GATA4: variants seen among roughly 807,000 people sequenced by gnomAD.
The protein encoded by GATA4 is transcription factor GATA-4.
GATA4 carries 7 observed loss-of-function variants against 37.9 expected under a neutral mutation model. The observed-to-expected ratio is 0.18, with a 90% CI of 0.11 to 0.35. GATA4 has a LOEUF of 0.35. Among genes scored for constraint, GATA4 ranks in the 10% least tolerant of loss-of-function variants. GATA4 has a pLI of 1.00. For synonymous variants in GATA4, 372 were observed against 292.6 expected (o/e 1.27, Z -2.77); for missense variants, 647 against 653.0 (o/e 0.99, Z 0.10).
intron 2 of GATA4, among the ~76,000 whole-genome samples, chr8:11,729,292 G>C (rs1351628817): frequency 2.0e-5 from 3 of 151,592 alleles, no homozygotes; most frequent in Non-Finnish European, 4.4e-5. Context: ...AAATGCAGCT[G>C]GGCGCGGTGG....
intron 2 of GATA4, among the ~76,000 whole-genome samples, chr8:11,726,962 C>T (rs1268441249): frequency 6.6e-6 from 1 of 152,174 alleles, no homozygotes; most frequent in East Asian, 1.9e-4. Flanking sequence ...TTGGGTGCCT[C>T]AGCCCACTGT....
intron 1 of GATA4, chr8:11,683,074 G>C (rs1014810468): frequency 2.0e-6 from 2 of 985,272 alleles, no homozygotes; most frequent in East Asian, 1.1e-4. Context: ...TACCCCCTAG[G>C]TTTTCCCAGC....
chr8:11,738,264 C>A (rs1463848927), intron 2 of GATA4, among the ~76,000 whole-genome samples: 6 of 151,430 alleles, frequency 4.0e-5, no homozygotes, highest in Non-Finnish European at 5.9e-5. Context: ...TACACAACAG[C>A]AAACAATGAG....
At chr8:11,685,460 T>A (rs373282317) in intron 1 of GATA4, among the ~76,000 whole-genome samples, 4 of 152,234 alleles carry the variant, frequency 2.6e-5, no homozygotes. Flanking sequence ...ATCCAAGACA[T>A]GTCAGCCTTC....
At position 11,708,597 on chromosome 8, in the gene GATA4, C is replaced by T; in HGVS notation, c.285C>T (p.Asp95=). 1.5e-6 allele frequency: 2 copies of T among 1,359,088 alleles called. No homozygotes were observed. Among genetic ancestry groups the T allele is most frequent in the Admixed American group, 3.3e-5 (1 of 30,280 alleles). 84.2% of individuals were successfully genotyped at this position (1,359,088 alleles called of 1,614,324 possible). Residue 95 remains aspartate, a synonymous_variant, in exon 2 of 7, where the codon GAC becomes GAT. Transcript: ENST00000532059. The surrounding 1 kb of genome is among the most constrained non-coding windows in gnomAD (Gnocchi z 6.7). ...GSPGWSQAGA[D]GAAYTPPPVS... is the part of the protein sequence containing the mutation. ...CGGGATGGAGCCAGGCGGGAGCCGA[C>T]GGAGCCGCTTACACCCCGCCGCCGG...
At chr8:11,694,984 T>C (rs1309381498) in intron 1 of GATA4, among the ~76,000 whole-genome samples, 1 of 152,240 alleles carries the variant, frequency 6.6e-6, no homozygotes, top group Non-Finnish European at 1.5e-5. Flanking sequence ...TTGCTGTATA[T>C]ACAAGTCCAG....
chr8:11,693,013 C>T (rs760302963), intron 1 of GATA4: 3 of 985,230 alleles, frequency 3.0e-6, no homozygotes, highest in Admixed American at 6.1e-5. Flanking sequence ...GGCCGCGCAC[C>T]GAGGCTTCTG....
intron 2 of GATA4, among the ~76,000 whole-genome samples, chr8:11,714,869 A>G (rs1333796591): frequency 6.6e-6 from 1 of 152,184 alleles, no homozygotes; most frequent in East Asian, 1.9e-4. Flanking sequence ...GGGAGTGTAA[A>G]TCGCTCTGAC....
chr8:11,757,676 C>T (rs1234111752), intron 6 of GATA4, among the ~76,000 whole-genome samples: 2 of 152,214 alleles, frequency 1.3e-5, no homozygotes, highest in Non-Finnish European at 2.9e-5. Flanking sequence ...TCATGAGACC[C>T]AGCTCTGCAC....
intron 1 of GATA4, among the ~76,000 whole-genome samples, chr8:11,684,740 A>C (rs1799085528): frequency 6.6e-6 from 1 of 152,176 alleles, no homozygotes; most frequent in Non-Finnish European, 1.5e-5. Flanking sequence ...GCTGGATGCT[A>C]ATGTTCTCCT....
At position 11,750,160 on chromosome 8, in the gene GATA4, C is replaced by A. The variant is rs1203275387; in HGVS notation, c.836C>A (p.Thr279Asn). The A allele has an allele frequency of 6.2e-6, 10 of 1,613,976 alleles. No individual in the cohort carries two copies. Among genetic ancestry groups the A allele is most frequent in the Non-Finnish European group, 8.5e-6 (10 of 1,180,050 alleles). ...GLSCANCQTT[T>N]TTLWRRNAEG... ...TCCTGTGCCAACTGCCAGACCACCACCACCACGCTGTGGCGCCGCAATGCG... is the reference window on the plus strand; with the variant it reads ...TCCTGTGCCAACTGCCAGACCACCAACACCACGCTGTGGCGCCGCAATGCG... Residue 279 changes from threonine (T) to asparagine (N), a missense_variant, in exon 4 of 7, where the codon ACC becomes AAC. This residue lies in a region of GATA4 where 56 missense variants were observed against 64.5 expected (regional missense o/e 0.87). Coordinates refer to ENST00000532059, the MANE Select transcript of GATA4 (RefSeq NM_001308093.3).
chr8:11,683,225 G>A (rs921982490), intron 1 of GATA4: 45 of 779,128 alleles, frequency 5.8e-5, no homozygotes, highest in Non-Finnish European at 6.5e-5. Context: ...TCCGGAGCGG[G>A]GGAGGACGGA....
upstream of GATA4, among the ~76,000 whole-genome samples, chr8:11,691,625 G>C (rs1014567437): frequency 6.6e-6 from 1 of 152,220 alleles, no homozygotes; most frequent in Non-Finnish European, 1.5e-5. Flanking sequence ...AGAAAGTTAA[G>C]TGACTCGCCT....
At position 11,725,121 on chromosome 8, in the gene GATA4, C is replaced by T. The variant is rs142257114; in HGVS notation, c.616+16193C>T. Among the ~76,000 whole-genome samples the T allele has an allele frequency of 2.3e-3, 348 of 152,292 alleles. 2 individuals are homozygous for T. The highest frequency in any genetic ancestry group is 7.8e-3 in the African/African-American group (323 of 41,552). ...GAGTCACGCTCTGTCCTTGGAGCCT[C>T]GTGCGCAGCCCATGCAGTCCCTGTG... is the stretch of plus-strand genomic sequence containing the variant. On this transcript the variant is annotated intron_variant, in intron 2 of 6. Coordinates refer to ENST00000532059, the MANE Select transcript of GATA4 (RefSeq NM_001308093.3).
chr8:11,757,955 A>G (rs1802687613), intron 6 of GATA4, among the ~76,000 whole-genome samples: 1 of 152,166 alleles, frequency 6.6e-6, no homozygotes, highest in African/African-American at 2.4e-5. Flanking sequence ...GGCCGGGTGG[A>G]TGGCTTCTTT....
upstream of GATA4, among the ~76,000 whole-genome samples, chr8:11,701,317 C>G (rs1799669387): frequency 6.6e-6 from 1 of 150,882 alleles, no homozygotes; most frequent in Non-Finnish European, 1.5e-5. Flanking sequence ...GGAAAGGAAA[C>G]CCGAGAGAGG....
chr8:11,679,924 C>G (rs1371512184), intron 1 of GATA4, among the ~76,000 whole-genome samples: 1 of 152,140 alleles, frequency 6.6e-6, no homozygotes, highest in African/African-American at 2.4e-5. Flanking sequence ...TGTGTGTCGC[C>G]GAATAGTTTA....
intron 2 of GATA4, among the ~76,000 whole-genome samples, chr8:11,730,942 G>T (rs539233735): frequency 1.7e-4 from 26 of 152,334 alleles, no homozygotes; most frequent in Admixed American, 4.6e-4. Flanking sequence ...GTGGCCCAGT[G>T]CCCACTGAGG....
chr8:11,741,726 G>A (rs1055971560), intron 2 of GATA4, among the ~76,000 whole-genome samples: 1 of 152,234 alleles, frequency 6.6e-6, no homozygotes, highest in Non-Finnish European at 1.5e-5. Context: ...AGGCCAGGAA[G>A]CGTTTCCCAA....
Sources: allele counts gnomAD v4.1 joint callset (sites outside exome capture counted in the v4.1 genomes callset), GRCh38; gene constraint gnomAD v4.1.1; regional missense constraint gnomAD v4.1.1; non-coding constraint Gnocchi (gnomAD v3.1); transcripts MANE v1.5; gene names NCBI Gene and HGNC (gene_info 2026-07-23, HGNC 2026-07-21).